Variants in FAM228B observed in about 807,000 individuals in gnomAD.
FAM228B encodes protein FAM228B.
A neutral mutation model predicts 42.6 loss-of-function variants in FAM228B; 38 were observed. The ratio of observed to expected loss-of-function variants is 0.89; its 90% confidence interval spans 0.69 to 1.17. The LOEUF (loss-of-function observed/expected upper bound fraction) is 1.17, where lower values mean the gene tolerates loss of function less well. FAM228B is among the 50% of genes most tolerant of loss of function. The pLI, the probability that FAM228B is intolerant of heterozygous loss-of-function variation, is 0.00. For synonymous variants in FAM228B, 109 were observed against 122.3 expected, an observed-to-expected ratio of 0.89 and a Z score of 0.72; for missense variants, 344 against 367.3, an observed-to-expected ratio of 0.94 and a Z score of 0.52.
In FAM228B at chr2:24,155,072, T is replaced by C. The variant is rs1667104204; in HGVS notation, c.687-6434T>C. ...ATAGGTTCCATCCAAACCAGGAGTC[T>C]ATTTATAATAGGTTTAACTCTGATG... On this transcript the variant is annotated intron_variant, in intron 7 of 10. Transcript: ENST00000615575. Among the ~76,000 whole-genome samples the C allele has an allele frequency of 1.3e-5, 2 of 152,230 alleles. 1 individual carries two copies. Among genetic ancestry groups the C allele is most frequent in the South Asian group, 4.1e-4 (2 of 4,832 alleles).
intron 2 of FAM228B, among the ~76,000 whole-genome samples, chr2:24,081,329 A>G (rs1327867067): frequency 6.6e-6 from 1 of 152,166 alleles, no homozygotes; most frequent in Non-Finnish European, 1.5e-5. Flanking sequence ...AGCCACATCC[A>G]TAATCTCTAT....
chr2:24,129,398 A>G (rs75119440), intron 2 of FAM228B, among the ~76,000 whole-genome samples: 4,387 of 150,710 alleles, frequency 0.029, 82 homozygotes, highest in African/African-American at 0.055. Flanking sequence ...TCATCCAGAC[A>G]TTATTTTTTC....
At chr2:24,101,185 C>G (rs949910659) in intron 3 of FAM228B, among the ~76,000 whole-genome samples, 1 of 152,036 alleles carries the variant, frequency 6.6e-6, no homozygotes, top group African/African-American at 2.4e-5. Context: ...ATGGGTGCAG[C>G]AAACCAACAT....
intron 3 of FAM228B, among the ~76,000 whole-genome samples, chr2:24,112,588 C>CA (rs939009563): frequency 4.6e-5 from 7 of 152,152 alleles, no homozygotes; most frequent in African/African-American, 1.7e-4. Flanking sequence ...GGGCATGAGC[C>CA]ACCATGCCGG....
intron 2 of FAM228B, among the ~76,000 whole-genome samples, chr2:24,089,505 G>T (rs1313866925): frequency 2.0e-5 from 3 of 152,024 alleles, no homozygotes; most frequent in African/African-American, 7.2e-5. Flanking sequence ...GTTGATGTTG[G>T]GTTTGGCCCT....
intron 3 of FAM228B, among the ~76,000 whole-genome samples, chr2:24,118,439 T>G (rs954271323): frequency 6.6e-6 from 1 of 152,234 alleles, no homozygotes; most frequent in African/African-American, 2.4e-5. Flanking sequence ...AGTAATTCAT[T>G]GATTTATTCA....
chr2:24,133,884 C>T (rs552731557), intron 2 of FAM228B, among the ~76,000 whole-genome samples: 1 of 152,140 alleles, frequency 6.6e-6, no homozygotes, highest in Non-Finnish European at 1.5e-5. Flanking sequence ...TACACTCTAG[C>T]CTAAGTGACA....
At chr2:24,121,370 T>C (rs1419891875), upstream of FAM228B, 4 of 1,475,530 alleles carry the variant, frequency 2.7e-6, no homozygotes, top group South Asian at 1.3e-5. Flanking sequence ...TTTAGCCCAC[T>C]ACCTGTTTTT....
At chr2:24,143,100 G>A (rs1666794768) in intron 5 of FAM228B, among the ~76,000 whole-genome samples, 1 of 152,120 alleles carries the variant, frequency 6.6e-6, no homozygotes. Flanking sequence ...TTTGGGTATA[G>A]TATCAAAAAC....
Position 24,084,351 on chromosome 2 carries a change from C to G in FAM228B, c.-210+3396C>G, listed in dbSNP as rs35924313. ...TATTGTCTGAGGACACAGGGCAGGG[C>G]AGGGCAGGACAGGACAGGGCAGGGC... On this transcript the variant is annotated intron_variant, in intron 2 of 10. Transcript: ENST00000613899. This position sits in a 1 kb window ranked among gnomAD's most constrained non-coding sequence, Gnocchi z 8.4. 2.2e-3 allele frequency: 3,075 copies of G among 1,395,960 alleles called. 52 individuals carry two copies. The African/African-American group carries it at 0.039, about 18-fold the overall frequency. The allele number at this position is 1,395,960 out of a possible 1,614,324, so 86.5% of individuals were successfully genotyped here.
chr2:24,104,992 G>C (rs1304649429), intron 3 of FAM228B, among the ~76,000 whole-genome samples: 5 of 147,452 alleles, frequency 3.4e-5, no homozygotes, highest in African/African-American at 1.2e-4. Context: ...GCCAGAGCTG[G>C]CCCAGTGGCT....
chr2:24,078,839 C>T (rs1007662448), intron 1 of FAM228B: 1 of 152,524 alleles, frequency 6.6e-6, no homozygotes, highest in African/African-American at 2.4e-5. Context: ...AAAGGTGGTA[C>T]CTGCTAGACT....
At chr2:24,149,092 C>A (rs7597149) in intron 7 of FAM228B, among the ~76,000 whole-genome samples, 1 of 152,076 alleles carries the variant, frequency 6.6e-6, no homozygotes, top group Non-Finnish European at 1.5e-5. Context: ...TACTCCATTG[C>A]GTGTAAGTGC....
intron 2 of FAM228B, among the ~76,000 whole-genome samples, chr2:24,088,394 A>G (rs1665309104): frequency 1.3e-5 from 2 of 152,120 alleles, no homozygotes; most frequent in Non-Finnish European, 2.9e-5. Context: ...TCTGTCGCCT[A>G]GGCTGGAATG....
At chr2:24,165,398 C>T (rs142463446) in intron 9 of FAM228B, 2 of 471,166 alleles carry the variant, frequency 4.2e-6, no homozygotes, top group South Asian at 3.1e-5. Context: ...ATGTGATCAT[C>T]CCTCCAACTC....
intron 3 of FAM228B, among the ~76,000 whole-genome samples, chr2:24,117,034 G>A (rs921129966): frequency 2.3e-4 from 11 of 48,876 alleles, no homozygotes; most frequent in Non-Finnish European, 4.3e-4. Flanking sequence ...TTTTTTTTTT[G>A]AGACAGAGTC....
chr2:24,144,784 G>C (rs1666855030), intron 5 of FAM228B, among the ~76,000 whole-genome samples: 1 of 152,088 alleles, frequency 6.6e-6, no homozygotes, highest in South Asian at 2.1e-4. Flanking sequence ...GCCTCCCTAT[G>C]CCTGCTGCCA....
At chr2:24,117,518 C>G (rs571237119) in intron 3 of FAM228B, among the ~76,000 whole-genome samples, 57 of 151,970 alleles carry the variant, frequency 3.8e-4, no homozygotes, top group African/African-American at 1.3e-3. Flanking sequence ...TTTTGGCTCA[C>G]TGCAACCTCC....
At chr2:24,126,684 C>T (rs1026054865) in intron 2 of FAM228B, among the ~76,000 whole-genome samples, 6 of 151,384 alleles carry the variant, frequency 4.0e-5, no homozygotes, top group African/African-American at 9.7e-5. Flanking sequence ...GATCTCAGCT[C>T]ACTGCAAACT....
Sources: gnomAD v4.1 joint callset for allele counts (sites outside exome capture counted in the v4.1 genomes callset) on GRCh38, gnomAD v4.1.1 for gene constraint, Gnocchi (gnomAD v3.1) non-coding constraint, MANE v1.5 for transcripts, NCBI Gene and HGNC (gene_info 2026-07-23, HGNC 2026-07-21) for gene names.